The following ACYP2 variants were observed in gnomAD, a reference collection of about 807,000 sequenced individuals.
ACYP2 encodes the protein acylphosphatase-2.
ACYP2 carries 12 observed loss-of-function variants against 11.2 expected under a neutral mutation model. The observed-to-expected ratio is 1.08, with a 90% CI of 0.69 to 1.74. The LOEUF (loss-of-function observed/expected upper bound fraction) is 1.74. Among genes scored for constraint, ACYP2 ranks in the 40% most tolerant of loss-of-function variants. The pLI, the probability that ACYP2 is intolerant of heterozygous loss-of-function variation, is 0.00. For missense variants in ACYP2, 134 were observed against 101.9 expected (o/e 1.31, Z -1.35); for synonymous variants, 43 against 32.2 (o/e 1.33, Z -1.13).
intron 6 of ACYP2, among the ~76,000 whole-genome samples, chr2:54,304,218 CTGTG>C (rs10531789): frequency 0.17 from 25,309 of 149,062 alleles, 3,102 homozygotes; most frequent in African/African-American, 0.35. Context: ...ATATATATGT[CTGTG>C]TGTGTGTGTG....
At chr2:54,255,543 G>A (rs779765749) in intron 6 of ACYP2, 3 of 1,613,330 alleles carry the variant, frequency 1.9e-6, no homozygotes, top group Non-Finnish European at 2.5e-6. Context: ...ACTCCAGGGG[G>A]TTCAGGTGGA....
chr2:54,261,759 C>A (rs958465505), intron 6 of ACYP2, among the ~76,000 whole-genome samples: 1 of 152,104 alleles, frequency 6.6e-6, no homozygotes, highest in African/African-American at 2.4e-5. Context: ...AAGCTGAGGG[C>A]CTGAATACAA....
At chr2:54,141,667 A>G (rs1016932339) in intron 6 of ACYP2, among the ~76,000 whole-genome samples, 1 of 152,056 alleles carries the variant, frequency 6.6e-6, no homozygotes, top group Non-Finnish European at 1.5e-5. Context: ...CTATCTCCAC[A>G]GTATATTTCC....
At chr2:53,992,239 C>T (rs541596617) in intron 2 of ACYP2, among the ~76,000 whole-genome samples, 24 of 151,330 alleles carry the variant, frequency 1.6e-4, no homozygotes, top group Non-Finnish European at 3.2e-4. Context: ...TCCTTCTTTT[C>T]ACCAGTGTCA....
chr2:54,004,894 CAAA>C (rs754230632), intron 2 of ACYP2, among the ~76,000 whole-genome samples: 1 of 31,930 alleles, frequency 3.1e-5, no homozygotes, highest in Non-Finnish European at 6.6e-5. Context: ...GACTCTGTCT[CAAA>C]AAAAAAAAAA....
intron 4 of ACYP2, among the ~76,000 whole-genome samples, chr2:54,068,418 C>T (rs1676854993): frequency 6.6e-6 from 1 of 152,094 alleles, no homozygotes; most frequent in South Asian, 2.1e-4. Flanking sequence ...TCTCTTAGGA[C>T]TTGAGAGGGA....
intron 4 of ACYP2, among the ~76,000 whole-genome samples, chr2:54,133,130 C>T (rs1461292427): frequency 1.3e-5 from 2 of 152,144 alleles, no homozygotes; most frequent in African/African-American, 2.4e-5. Context: ...AAGTTCTTCA[C>T]CCCCCATTGT....
At chr2:54,290,687 C>G (rs2104141861) in intron 6 of ACYP2, among the ~76,000 whole-genome samples, 1 of 152,144 alleles carries the variant, frequency 6.6e-6, no homozygotes. Flanking sequence ...TCCCCCAACC[C>G]CAACTCAATT....
At chr2:54,301,493 T>C (rs1689724938) in intron 6 of ACYP2, among the ~76,000 whole-genome samples, 1 of 152,196 alleles carries the variant, frequency 6.6e-6, no homozygotes. Flanking sequence ...TGTAAGTTAC[T>C]GAGGAAAGGA....
At chr2:54,179,557 T>C (rs989330182) in intron 6 of ACYP2, among the ~76,000 whole-genome samples, 9 of 152,198 alleles carry the variant, frequency 5.9e-5, no homozygotes, top group African/African-American at 2.2e-4. Flanking sequence ...TTCTTGATTA[T>C]ATGCTAAACA....
intron 6 of ACYP2, among the ~76,000 whole-genome samples, chr2:54,241,820 C>T (rs1286575443): frequency 1.1e-4 from 16 of 152,210 alleles, no homozygotes. Context: ...CAGGACCAGC[C>T]TGGCCAACGT....
intron 6 of ACYP2, among the ~76,000 whole-genome samples, chr2:54,230,829 C>CTTTTTTTTTT (rs34359444): frequency 6.2e-5 from 8 of 129,380 alleles, no homozygotes; most frequent in Non-Finnish European, 9.7e-5. Flanking sequence ...TCTTTCTTTT[C>CTTTTTTTTTT]TTTTTTTTTT....
At chr2:54,180,018 T>C (rs1683637525) in intron 6 of ACYP2, among the ~76,000 whole-genome samples, 1 of 152,142 alleles carries the variant, frequency 6.6e-6, no homozygotes, top group Non-Finnish European at 1.5e-5. Flanking sequence ...TGGCTTCAAG[T>C]GGGGGTTCCC....
chr2:54,157,007 G>A (rs949809370), intron 6 of ACYP2, among the ~76,000 whole-genome samples: 3 of 152,080 alleles, frequency 2.0e-5, no homozygotes, highest in African/African-American at 7.2e-5. Context: ...TTTTAAAAAG[G>A]TATCTCAATT....
At chr2:53,996,762 A>G (rs1390249621) in intron 2 of ACYP2, among the ~76,000 whole-genome samples, 1 of 152,194 alleles carries the variant, frequency 6.6e-6, no homozygotes, top group African/African-American at 2.4e-5. Context: ...CTCCTCATGC[A>G]TTTCAGATCT....
Position 54,233,392 on chromosome 2 carries a change from G to A in ACYP2, c.405-71296G>A, listed in dbSNP as rs1255100265. ...CTCACTGCAACCTCTACTTCCCTGG[G>A]CTCATGTGATTCTCCAGCTTTAGCC... On this transcript the variant is annotated intron_variant, in intron 6 of 6. Transcript: ENST00000607452. Among the ~76,000 whole-genome samples, 10 of 151,394 alleles carry A rather than the reference G, an allele frequency of 6.6e-5. No homozygotes were observed. The East Asian group carries it at 1.7e-3, about 26-fold the overall frequency.
At chr2:54,031,284 C>T (rs766845951) in intron 2 of ACYP2, among the ~76,000 whole-genome samples, 2 of 120,030 alleles carry the variant, frequency 1.7e-5, no homozygotes, top group Non-Finnish European at 3.3e-5. Context: ...CCTCCCCCCA[C>T]CCCACATCAG....
At chr2:54,131,083 T>G (rs1344270595) in intron 4 of ACYP2, among the ~76,000 whole-genome samples, 3 of 152,254 alleles carry the variant, frequency 2.0e-5, no homozygotes, top group African/African-American at 7.2e-5. Context: ...ATGCAGGGAC[T>G]GTGTCTTACT....
At chr2:54,074,157 T>C (rs564166206) in intron 4 of ACYP2, among the ~76,000 whole-genome samples, 1 of 152,206 alleles carries the variant, frequency 6.6e-6, no homozygotes, top group Non-Finnish European at 1.5e-5. Context: ...CTGACCAACA[T>C]AGTGAGACCC....
Sources: allele counts gnomAD v4.1 joint callset (sites outside exome capture counted in the v4.1 genomes callset), GRCh38; gene constraint gnomAD v4.1.1; transcripts MANE v1.5; gene names NCBI Gene and HGNC (gene_info 2026-07-23, HGNC 2026-07-21).